LRCH1: variants seen among roughly 807,000 people sequenced by gnomAD.
LRCH1 encodes leucine rich repeats and calponin homology domain containing 1.
LRCH1 carries 23 observed loss-of-function variants against 94.9 expected under a neutral mutation model. That is an observed-to-expected ratio of 0.24 (90% CI 0.17 to 0.34). LRCH1 has a LOEUF of 0.34. LRCH1 is among the 10% of genes least tolerant of loss of function. The pLI, the probability that LRCH1 is intolerant of heterozygous loss-of-function variation, is 1.00. For synonymous variants in LRCH1, 364 were observed against 354.9 expected (o/e 1.03, Z -0.29); for missense variants, 790 against 945.9 (o/e 0.84, Z 2.16).
Position 46,742,673 on chromosome 13 carries a change from C to T in LRCH1, c.*825C>T. 1 of 985,412 alleles carries T rather than the reference C, an allele frequency of 1.0e-6. No individual in the cohort carries two copies. The highest frequency in any genetic ancestry group is 1.2e-6 in the Non-Finnish European group (1 of 829,914). 61.0% of individuals were successfully genotyped at this position (985,412 alleles called of 1,614,324 possible). On this transcript the variant is annotated 3_prime_UTR_variant, in exon 20 of 20. Transcript: ENST00000389797. ...TTCCAGAGAGATTTCTATTTTTGAACAATGGAACGGATCACTGCTTTTTTG... is the reference window on the plus strand; with the variant it reads ...TTCCAGAGAGATTTCTATTTTTGAATAATGGAACGGATCACTGCTTTTTTG...
At chr13:46,720,457 C>T (rs1377686261) in intron 16 of LRCH1, among the ~76,000 whole-genome samples, 2 of 152,210 alleles carry the variant, frequency 1.3e-5, no homozygotes, top group East Asian at 3.8e-4. Context: ...ACACTCTGCT[C>T]TCTCACCCAT....
chr13:46,692,773 C>G (rs1870969605), intron 8 of LRCH1, 132 bp downstream of exon 8: 2 of 639,790 alleles, frequency 3.1e-6, no homozygotes, highest in African/African-American at 1.8e-5. Flanking sequence ...CTGTGTTCTT[C>G]TGGGAAGTTG....
chr13:46,604,599 T>A (rs2050667515), intron 1 of LRCH1, among the ~76,000 whole-genome samples: 1 of 152,244 alleles, frequency 6.6e-6, no homozygotes, highest in South Asian at 2.1e-4. Context: ...CAGGCAGAAC[T>A]TACATCTTGT....
intron 2 of LRCH1, among the ~76,000 whole-genome samples, chr13:46,654,554 T>C (rs1240399168): frequency 1.3e-5 from 2 of 152,138 alleles, no homozygotes; most frequent in African/African-American, 2.4e-5. Context: ...TCAGTAGTTA[T>C]AAATGGGATA....
At chr13:46,703,618 AAG>A (rs1477014634) in intron 11 of LRCH1, among the ~76,000 whole-genome samples, 1 of 152,176 alleles carries the variant, frequency 6.6e-6, no homozygotes, top group Non-Finnish European at 1.5e-5. Context: ...TATTTGGAAA[AAG>A]AAATTATCTA....
At chr13:46,643,369 A>G (rs919715356) in intron 1 of LRCH1, among the ~76,000 whole-genome samples, 5 of 152,198 alleles carry the variant, frequency 3.3e-5, no homozygotes, top group Non-Finnish European at 5.9e-5. Flanking sequence ...TCTGTGAACC[A>G]TGAACGGACT....
intron 1 of LRCH1, among the ~76,000 whole-genome samples, chr13:46,562,139 C>A (rs954765709): frequency 2.0e-5 from 3 of 152,176 alleles, no homozygotes; most frequent in African/African-American, 7.2e-5. Flanking sequence ...CATCTTGGAT[C>A]TACCCTGAAG....
intron 6 of LRCH1, among the ~76,000 whole-genome samples, chr13:46,688,870 G>A (rs773765004): frequency 3.3e-5 from 5 of 152,140 alleles, no homozygotes; most frequent in Non-Finnish European, 5.9e-5. Flanking sequence ...CTAAGAGCAA[G>A]CCACTTGATT....
intron 3 of LRCH1, among the ~76,000 whole-genome samples, chr13:46,678,468 G>A (rs922819004): frequency 4.6e-5 from 7 of 152,112 alleles, no homozygotes; most frequent in African/African-American, 1.4e-4. Context: ...CTGCTTGGGC[G>A]TTTTCCCCCC....
chr13:46,553,732 G>T, intron 1 of LRCH1, 29 bp downstream of exon 1: 1 of 1,601,834 alleles, frequency 6.2e-7, no homozygotes, highest in Middle Eastern at 2.2e-4. Flanking sequence ...GCGGGCAGGG[G>T]TGTGGGTGCT....
chr13:46,680,336 A>G (rs2051734517), intron 3 of LRCH1, among the ~76,000 whole-genome samples: 1 of 152,202 alleles, frequency 6.6e-6, no homozygotes, highest in Non-Finnish European at 1.5e-5. Context: ...GGAGGATGGA[A>G]TGAATAAGAC....
In LRCH1 at chr13:46,711,015, C is replaced by T. The variant is rs1280242417; in HGVS notation, c.1528-776C>T. 2.6e-5 allele frequency among the ~76,000 whole-genome samples: 4 copies of T among 152,046 alleles called. No individual in the cohort carries two copies. The East Asian group carries it at 7.7e-4, about 29-fold the overall frequency. ...TGGCCACTCTCATGGACTCAGGCAC[C>T]CCATAAATAATAATAACTTCGAAAC... On this transcript the variant is annotated intron_variant, in intron 13 of 19. Coordinates refer to ENST00000389797, the MANE Select transcript of LRCH1 (RefSeq NM_001164211.2).
intron 1 of LRCH1, among the ~76,000 whole-genome samples, chr13:46,596,840 TTG>T (rs776985916): frequency 6.6e-6 from 1 of 152,178 alleles, no homozygotes; most frequent in Non-Finnish European, 1.5e-5. Flanking sequence ...CCTGCTGAAT[TTG>T]GGGGAGTGAA....
At chr13:46,671,509 G>C (rs7983902) in intron 3 of LRCH1, among the ~76,000 whole-genome samples, 96,599 of 152,090 alleles carry the variant, frequency 0.64, 31,160 homozygotes, top group Middle Eastern at 0.72. Flanking sequence ...TCAGGTGCTG[G>C]GCCTGAATGG....
chr13:46,631,242 C>T (rs1348516284), intron 1 of LRCH1, among the ~76,000 whole-genome samples: 1 of 152,230 alleles, frequency 6.6e-6, no homozygotes, highest in Non-Finnish European at 1.5e-5. Context: ...ACTGCACTTG[C>T]CATGCCGTCT....
intron 2 of LRCH1, among the ~76,000 whole-genome samples, chr13:46,662,749 C>T (rs139428633): frequency 6.6e-6 from 1 of 152,202 alleles, no homozygotes; most frequent in African/African-American, 2.4e-5. Flanking sequence ...TTTATACTCA[C>T]GAGGAGATAG....
chr13:46,558,598 A>AAAAAAAAAAAAAAAAAAAAAAAAAG (rs2050094662), intron 1 of LRCH1, among the ~76,000 whole-genome samples: 1 of 143,678 alleles, frequency 7.0e-6, no homozygotes, highest in African/African-American at 2.6e-5. Flanking sequence ...AAAAAAAAAA[A>AAAAAAAAAAAAAAAAAAAAAAAAAG]GCTGGGTTCC....
In LRCH1 at chr13:46,741,641, G is replaced by A. The variant is rs760641648; in HGVS notation, c.2086-1G>A. 1.9e-6 allele frequency: 3 copies of A among 1,613,972 alleles called. No homozygotes were observed. Among genetic ancestry groups the A allele is most frequent in the Non-Finnish European group, 2.5e-6 (3 of 1,179,980 alleles). ...TGTTCTAATGGCTGCCCTCGGAATAGGCTGACCTCTGCTCTCCGTGTGACA... is the reference window on the plus strand; with the variant it reads ...TGTTCTAATGGCTGCCCTCGGAATAAGCTGACCTCTGCTCTCCGTGTGACA... On this transcript the variant is annotated splice_acceptor_variant, in intron 19 of 19. Coordinates refer to ENST00000389797, the MANE Select transcript of LRCH1 (RefSeq NM_001164211.2). LOFTEE classifies it high-confidence loss of function.
chr13:46,607,101 A>C (rs187482391), intron 1 of LRCH1, among the ~76,000 whole-genome samples: 1 of 152,060 alleles, frequency 6.6e-6, no homozygotes, highest in African/African-American at 2.4e-5. Context: ...CCTGGCCCTG[A>C]GAGATTTAGG....
Sources: allele counts gnomAD v4.1 joint callset (sites outside exome capture counted in the v4.1 genomes callset), GRCh38; gene constraint gnomAD v4.1.1; transcripts MANE v1.5; gene names NCBI Gene and HGNC (gene_info 2026-07-23, HGNC 2026-07-21).